TMBIM6: variants seen among roughly 807,000 people sequenced by gnomAD.
TMBIM6 encodes bax inhibitor 1.
Under a neutral mutation model 31.4 loss-of-function variants are expected in TMBIM6, and 13 were observed. That is an observed-to-expected ratio of 0.41 (90% CI 0.27 to 0.66). TMBIM6 has a LOEUF of 0.66. TMBIM6 is among the 30% of genes least tolerant of loss of function. The pLI is 0.28. For synonymous variants in TMBIM6, 85 were observed against 101.7 expected (o/e 0.84, Z 0.99); for missense variants, 275 against 289.5 (o/e 0.95, Z 0.36).
Position 49,761,886 on chromosome 12 carries a change from G to GTAAC in TMBIM6, c.690+109_690+112dup, listed in dbSNP as rs533576020. On this transcript the variant is annotated intron_variant, in intron 9 of 9. Coordinates refer to ENST00000267115, the MANE Select transcript of TMBIM6 (RefSeq NM_003217.3). ...GCTCACACACTGTGTTAGGTCCAGG[G>GTAAC]TAACTGTAAGGCAGGCCACTGAGTA... 6.1e-4 allele frequency: 646 copies of GTAAC among 1,063,230 alleles called. 12 individuals are homozygous for GTAAC. In the South Asian group the frequency reaches 9.1e-3, roughly 15 times the overall value. The allele number at this position is 1,063,230 out of a possible 1,614,324, so 65.9% of individuals were successfully genotyped here.
chr12:49,752,634 G>T (rs927680479), intron 2 of TMBIM6, 85 bp downstream of exon 2: 3 of 1,172,864 alleles, frequency 2.6e-6, no homozygotes, highest in Admixed American at 1.9e-5. Context: ...ACTTTTGTGT[G>T]TATAAGCTAA....
chr12:49,753,187 CAGT>C, intron 3 of TMBIM6, 106 bp downstream of exon 3: 1 of 763,694 alleles, frequency 1.3e-6, no homozygotes, highest in Non-Finnish European at 2.1e-6. Flanking sequence ...TAATCTTTAT[CAGT>C]AGTTTAGGAT....
intron 1 of TMBIM6, among the ~76,000 whole-genome samples, chr12:49,746,876 C>T (rs1945405274): frequency 6.9e-6 from 1 of 145,630 alleles, no homozygotes; most frequent in Non-Finnish European, 1.5e-5. Flanking sequence ...GGCTCTGTCA[C>T]CCAGGCTGGA....
intron 4 of TMBIM6, among the ~76,000 whole-genome samples, chr12:49,757,027 T>G (rs1328071791): frequency 1.3e-5 from 2 of 151,796 alleles, no homozygotes; most frequent in Non-Finnish European, 2.9e-5. Flanking sequence ...CCACTGCCCC[T>G]GGCCCTAATT....
Position 49,749,434 on chromosome 12 carries a change from C to CTTTTTTT in TMBIM6, c.-30-3030_-30-3029insTTTTTTT, listed in dbSNP as rs1565918072. Among the ~76,000 whole-genome samples, 4 of 121,722 alleles carry CTTTTTTT rather than the reference C, an allele frequency of 3.3e-5. No homozygotes were observed. In the East Asian group the frequency reaches 6.3e-4, roughly 19 times the overall value. The allele number at this position is 121,722 out of a possible 152,430, so 79.9% of individuals were successfully genotyped here. A position where few individuals can be genotyped will look rare whatever the true frequency, so the allele number is the denominator to read the frequency against. On this transcript the variant is annotated intron_variant, in intron 1 of 9. Coordinates refer to ENST00000267115, the MANE Select transcript of TMBIM6 (RefSeq NM_003217.3). ...TGTAAGTCCTTTTCTTTTTGTAAGT[C>CTTTTTTT]ATTTTTGTTTTTTTTTGAAACGGAG...
intron 2 of TMBIM6, 32 bp from the exon 3 acceptor site, chr12:49,752,941 A>G: frequency 3.2e-6 from 5 of 1,583,490 alleles, no homozygotes; most frequent in Non-Finnish European, 4.3e-6. Context: ...TTGATCTGGG[A>G]CTGATTGCTC....
At chr12:49,753,131 A>C in intron 3 of TMBIM6, 50 bp downstream of exon 3, 1 of 1,526,368 alleles carries the variant, frequency 6.6e-7, no homozygotes, top group Non-Finnish European at 9.0e-7. Context: ...TACATTAGGA[A>C]AAAACCAGCT....
chr12:49,755,551 G>GT (rs1945572789), intron 3 of TMBIM6, 84 bp from the exon 4 acceptor site: 47 of 1,522,246 alleles, frequency 3.1e-5, no homozygotes, highest in Non-Finnish European at 4.2e-5. Context: ...GTTCAGACGA[G>GT]TGTTTGAACC....
chr12:49,746,926 C>T (rs531191111), intron 1 of TMBIM6, among the ~76,000 whole-genome samples: 1 of 152,194 alleles, frequency 6.6e-6, no homozygotes, highest in South Asian at 2.1e-4. Flanking sequence ...AACTCTGCCT[C>T]CTGGGTTCAA....
chr12:49,755,702 A>G lies in TMBIM6; in HGVS notation c.233A>G (p.His78Arg). The G allele has an allele frequency of 1.2e-6, 2 of 1,614,220 alleles. No homozygotes were observed. The highest frequency in any genetic ancestry group is 1.7e-6 in the Non-Finnish European group (2 of 1,180,018). Residue 78 changes from histidine (H) to arginine (R), a missense_variant, in exon 4 of 10, where the codon CAT becomes CGT. Transcript: ENST00000267115. ...TGGCTGATGGCAACACCTCATAGCC[A>G]TGAAACTGAACAGAAAAGACTGGGA... Reference protein sequence around the residue: ...MIWLMATPHSHETEQKRLGLL... With the variant: ...MIWLMATPHSRETEQKRLGLL...
chr12:49,758,679 A>G lies in TMBIM6; in HGVS notation c.434-4A>G. The G allele has an allele frequency of 6.2e-7, 1 of 1,614,028 alleles. No individual in the cohort carries two copies. The highest frequency in any genetic ancestry group is 8.5e-7 in the Non-Finnish European group (1 of 1,179,950). ...TCAAGACAGCTTTTTGCTGTGTCTT[A>G]TAGGTATCTTGATGTCAGCCCTGAG... On this transcript the variant is annotated splice_region_variant and splice_polypyrimidine_tract_variant and intron_variant, in intron 6 of 9. Transcript: ENST00000267115.
intron 8 of TMBIM6, among the ~76,000 whole-genome samples, chr12:49,760,995 A>G (rs1393854047): frequency 6.6e-6 from 1 of 151,930 alleles, no homozygotes; most frequent in Non-Finnish European, 1.5e-5. Flanking sequence ...ATGCACCACC[A>G]TGCCCGGCTA....
chr12:49,753,719 T>C (rs1418093599), intron 3 of TMBIM6, among the ~76,000 whole-genome samples: 1 of 152,214 alleles, frequency 6.6e-6, no homozygotes, highest in Non-Finnish European at 1.5e-5. Flanking sequence ...GAACTATCCT[T>C]ATGTTCAGGC....
At chr12:49,748,947 A>C (rs1278685175) in intron 1 of TMBIM6, among the ~76,000 whole-genome samples, 1 of 152,176 alleles carries the variant, frequency 6.6e-6, no homozygotes, top group Non-Finnish European at 1.5e-5. Context: ...TTAGCGAGTT[A>C]CTTGGTTAAT....
chr12:49,759,181 A>T, intron 7 of TMBIM6, 40 bp from the exon 8 acceptor site: 1 of 1,560,582 alleles, frequency 6.4e-7, no homozygotes, highest in Non-Finnish European at 8.8e-7. Context: ...TTTCTCTGCA[A>T]CTTCTGCTGT....
At chr12:49,761,193 G>C (rs1211802357) in intron 8 of TMBIM6, among the ~76,000 whole-genome samples, 2 of 151,756 alleles carry the variant, frequency 1.3e-5, no homozygotes, top group Non-Finnish European at 2.9e-5. Flanking sequence ...GTAGTTAAGG[G>C]TTCAGACTTG....
intron 1 of TMBIM6, among the ~76,000 whole-genome samples, chr12:49,747,415 TCTC>T (rs1355222198): frequency 6.6e-6 from 1 of 151,944 alleles, no homozygotes; most frequent in Non-Finnish European, 1.5e-5. Flanking sequence ...CTCAAGCAAT[TCTC>T]CTTCCTCAGC....
In TMBIM6 at chr12:49,761,695, G is replaced by T. The variant is rs1417060253; in HGVS notation, c.615-9G>T. The T allele has an allele frequency of 6.2e-7, 1 of 1,613,742 alleles. No homozygotes were observed. Among genetic ancestry groups the T allele is most frequent in the African/African-American group, 1.3e-5 (1 of 74,930 alleles). On this transcript the variant is annotated splice_polypyrimidine_tract_variant and intron_variant, in intron 8 of 9. Transcript: ENST00000267115. ...AAGTACAGATCCTAATCTGGTTCTT[G>T]CCTTTCAGGCACTGCATTGATCTCT...
chr12:49,764,795 C>CT lies in TMBIM6; in HGVS notation c.*1902dup, dbSNP rs1486983032. 1 of 151,610 alleles carries CT rather than the reference C, an allele frequency of 6.6e-6. No homozygotes were observed. Among genetic ancestry groups the CT allele is most frequent in the Non-Finnish European group, 1.5e-5 (1 of 67,966 alleles). The allele number at this position is 151,610 out of a possible 1,614,324, so 9.4% of individuals were successfully genotyped here. The stretch of plus-strand genomic sequence containing the variant: ...ATTTTTAATATAGTTATCTCTACCA[C>CT]TTTCTTTTCTAGTTTCTTGATTTTC... On this transcript the variant is annotated 3_prime_UTR_variant, in exon 10 of 10. Coordinates refer to ENST00000267115, the MANE Select transcript of TMBIM6 (RefSeq NM_003217.3).
Sources: allele counts gnomAD v4.1 joint callset (sites outside exome capture counted in the v4.1 genomes callset), GRCh38; gene constraint gnomAD v4.1.1; transcripts MANE v1.5; gene names NCBI Gene and HGNC (gene_info 2026-07-23, HGNC 2026-07-21).